GALNT9: variants seen among roughly 807,000 people sequenced by gnomAD.
GALNT9 encodes GalNAc transferase 9.
A neutral mutation model predicts 63.1 loss-of-function variants in GALNT9; 47 were observed. That is an observed-to-expected ratio of 0.75 (90% CI 0.59 to 0.95). GALNT9 has a LOEUF of 0.95. GALNT9 is among the 40% of genes least tolerant of loss of function. The pLI is 0.00. For missense variants in GALNT9, 829 were observed against 874.8 expected (o/e 0.95, Z 0.66); for synonymous variants, 396 against 365.7 (o/e 1.08, Z -0.94).
Position 132,203,584 on chromosome 12 carries a change from C to T in GALNT9, c.1184G>A (p.Arg395His), listed in dbSNP as rs375596382. The change falls in exon 7 of 11, where the codon CGC becomes CAC. Residue 395 changes from arginine (R) to histidine (H), a missense_variant. Arg to His is a conservative substitution (Grantham distance 29, BLOSUM62 0). Transcript: ENST00000328957. ...CACCTCGGCGGCGCGCAGGGCGTTG[C>T]GCTTGGCATAGTAGTCAATGTCGTT... ...YNNDIDYYAK[R>H]NALRAAEVWM... 129 of 1,613,784 alleles carry T rather than the reference C, an allele frequency of 8.0e-5. No homozygotes were observed. The highest frequency in any genetic ancestry group is 9.3e-5 in the Non-Finnish European group (110 of 1,179,818).
chr12:132,221,771 C>T (rs1027679358), intron 6 of GALNT9, among the ~76,000 whole-genome samples: 2 of 151,420 alleles, frequency 1.3e-5, no homozygotes, highest in African/African-American at 4.9e-5. Flanking sequence ...CAGAGGAATT[C>T]GGGGGCCCAG....
chr12:132,259,924 T>G (rs1341273901), intron 4 of GALNT9, among the ~76,000 whole-genome samples: 2 of 146,976 alleles, frequency 1.4e-5, no homozygotes, highest in Admixed American at 6.8e-5. Context: ...TGTGGTTGGG[T>G]GGACAGGGGT....
intron 1 of GALNT9, among the ~76,000 whole-genome samples, chr12:132,291,183 ACCCACAACCACAGTG>A (rs1880814628): frequency 2.4e-5 from 1 of 41,624 alleles, no homozygotes; most frequent in Admixed American, 2.4e-4. Flanking sequence ...CAACCACAGC[ACCCACAACCACAGTG>A]CCCACGTCCA....
Position 132,257,843 on chromosome 12 carries a change from T to C in GALNT9, c.805A>G (p.Ile269Val). 3 of 1,549,368 alleles carry C rather than the reference T, an allele frequency of 1.9e-6. No homozygotes were observed. The highest frequency in any genetic ancestry group is 2.6e-6 in the Non-Finnish European group (3 of 1,146,718). The change falls in exon 5 of 11, where the codon ATC becomes GTC. Residue 269 changes from isoleucine (I) to valine (V), a missense_variant. Physicochemically the swap from Ile to Val is conservative, Grantham distance 29 (BLOSUM62 3). Transcript: ENST00000328957. ...LSRIREDRRR[I>V]VLPAIDNIKY... ...ATGTTGTCGATGGCTGGCAGCACGA[T>C]GCGACGCCGGTCCTCTCGGATCCGC...
At chr12:132,221,523 T>TG (rs910891293) in intron 6 of GALNT9, among the ~76,000 whole-genome samples, 50 of 149,146 alleles carry the variant, frequency 3.4e-4, no homozygotes, top group African/African-American at 1.1e-3. Context: ...CTGGGTGTGG[T>TG]GGTGGTGGGT....
chr12:132,197,992 C>T lies in GALNT9; in HGVS notation c.1498-33G>A, dbSNP rs756570791. The T allele has an allele frequency of 4.5e-6, 7 of 1,570,024 alleles. No homozygotes were observed. In the Admixed American group the frequency reaches 1.0e-4, roughly 23 times the overall value. Reference sequence around the variant, plus strand: ...CAGGACCACCGGGACTGTGTGTGAGCAGCGCCCAGGCTCTCCCCAGTGAGC... The same window carrying T: ...CAGGACCACCGGGACTGTGTGTGAGTAGCGCCCAGGCTCTCCCCAGTGAGC... On this transcript the variant is annotated intron_variant, in intron 9 of 10. Coordinates refer to ENST00000328957, the MANE Select transcript of GALNT9 (RefSeq NM_001122636.2).
intron 6 of GALNT9, among the ~76,000 whole-genome samples, chr12:132,224,857 CTG>C (rs1877586970): frequency 6.8e-6 from 1 of 146,426 alleles, no homozygotes; most frequent in South Asian, 2.3e-4. Context: ...ACTCCACACA[CTG>C]TAATGTACAC....
At chr12:132,198,900 C>G (rs1388565522) in intron 9 of GALNT9, among the ~76,000 whole-genome samples, 1 of 152,158 alleles carries the variant, frequency 6.6e-6, no homozygotes, top group Non-Finnish European at 1.5e-5. Context: ...ATCTGTCTGC[C>G]TTGGCCTCCC....
In GALNT9 at chr12:132,329,541, C is replaced by T. The variant is rs1555246813; in HGVS notation, c.-338G>A. Among the ~76,000 whole-genome samples, 1 of 147,234 alleles carries T rather than the reference C, an allele frequency of 6.8e-6. No individual in the cohort carries two copies. Among genetic ancestry groups the T allele is most frequent in the East Asian group, 2.0e-4 (1 of 5,092 alleles). On this transcript the variant is annotated 5_prime_UTR_variant, in exon 1 of 11. Transcript: ENST00000328957. ...GGCGGGCGGCGCTCGGTGTCTGTGC[C>T]GGCTCCTGTCCTGCCCGCCCCGCAG...
chr12:132,288,443 C>T (rs57446407), intron 1 of GALNT9, among the ~76,000 whole-genome samples: 48,500 of 152,226 alleles, frequency 0.32, 7,780 homozygotes, highest in Middle Eastern at 0.39. Flanking sequence ...AATATCGATA[C>T]TGCACTTGCA....
intron 2 of GALNT9, among the ~76,000 whole-genome samples, chr12:132,266,457 G>A (rs547163468): frequency 2.6e-5 from 4 of 152,346 alleles, no homozygotes; most frequent in East Asian, 3.9e-4. Flanking sequence ...ATCCAACGAC[G>A]GTGTCCTTAA....
Position 132,305,793 on chromosome 12 carries a change from C to T in GALNT9, c.239-19363G>A, listed in dbSNP as rs556741744. On this transcript the variant is annotated intron_variant, in intron 1 of 10. Coordinates refer to ENST00000328957, the MANE Select transcript of GALNT9 (RefSeq NM_001122636.2). Reference sequence around the variant, plus strand: ...CTGAGAGGGAAGCCAGTGAGGCCCTCGGGTGGAGAGCGCGGCCCGAGTGCA... The same window carrying T: ...CTGAGAGGGAAGCCAGTGAGGCCCTTGGGTGGAGAGCGCGGCCCGAGTGCA... 1.1e-4 allele frequency among the ~76,000 whole-genome samples: 17 copies of T among 152,310 alleles called. 1 individual carries two copies. The South Asian group carries it at 2.3e-3, about 20-fold the overall frequency.
At chr12:132,247,392 G>A (rs1878742129) in intron 6 of GALNT9, 8 of 346,082 alleles carry the variant, frequency 2.3e-5, no homozygotes, top group South Asian at 1.7e-4. Context: ...ATTTCTCAGT[G>A]ATGTTGCCAC....
intron 1 of GALNT9, among the ~76,000 whole-genome samples, chr12:132,297,239 C>T (rs1356931995): frequency 1.4e-5 from 2 of 148,092 alleles, no homozygotes; most frequent in Non-Finnish European, 3.0e-5. Context: ...TCATAACCAA[C>T]TCACTCGAGA....
chr12:132,249,215 T>C (rs1878821654), intron 5 of GALNT9, among the ~76,000 whole-genome samples: 1 of 152,250 alleles, frequency 6.6e-6, no homozygotes, highest in Non-Finnish European at 1.5e-5. Flanking sequence ...TTCTGAGGCC[T>C]CAGGAGCTGT....
At chr12:132,208,771 C>A (rs1228014414) in intron 6 of GALNT9, among the ~76,000 whole-genome samples, 1 of 152,180 alleles carries the variant, frequency 6.6e-6, no homozygotes, top group Non-Finnish European at 1.5e-5. Flanking sequence ...TGTCTTAGGC[C>A]GCAACATTTC....
At chr12:132,278,258 G>T (rs1880188856) in intron 2 of GALNT9, 2 of 152,220 alleles carry the variant, frequency 1.3e-5, no homozygotes, top group Admixed American at 6.5e-5. Flanking sequence ...CACTCTCTGG[G>T]TATGTCTCAA....
intron 2 of GALNT9, among the ~76,000 whole-genome samples, chr12:132,271,130 G>A (rs1262921702): frequency 1.3e-5 from 2 of 152,198 alleles, no homozygotes; most frequent in South Asian, 2.1e-4. Flanking sequence ...CTTCAGTGCC[G>A]TGTGTGTTAC....
In GALNT9 at chr12:132,247,948, C is replaced by T. The variant is rs1555238223; in HGVS notation, c.1039G>A (p.Glu347Lys). ...TCTACGTTCTCGCCGCCATACACCT[C>T]CATGCCGGGGTCCAGCAGCCCAATG... ...GDIGLLDPGM[E>K]VYGGENVELG... The change falls in exon 6 of 11, where the codon GAG becomes AAG. Residue 347 changes from glutamate to lysine, a missense_variant. Coordinates refer to ENST00000328957, the MANE Select transcript of GALNT9 (RefSeq NM_001122636.2). The T allele has an allele frequency of 6.4e-7, 1 of 1,551,588 alleles. No homozygotes were observed. Among genetic ancestry groups the T allele is most frequent in the Non-Finnish European group, 8.7e-7 (1 of 1,147,028 alleles).
Sources: gnomAD v4.1 joint callset for allele counts (sites outside exome capture counted in the v4.1 genomes callset) on GRCh38, gnomAD v4.1.1 for gene constraint, MANE v1.5 for transcripts, NCBI Gene and HGNC (gene_info 2026-07-23, HGNC 2026-07-21) for gene names.